The following HMBOX1 variants were observed in gnomAD, a reference collection of about 807,000 sequenced individuals.
HMBOX1 encodes homeobox-containing protein 1.
Under a neutral mutation model 54.5 loss-of-function variants are expected in HMBOX1, and 14 were observed. The observed-to-expected ratio is 0.26, with a 90% CI of 0.17 to 0.40. The LOEUF is 0.40. HMBOX1 is among the 10% of genes least tolerant of loss of function. The pLI, the probability that HMBOX1 is intolerant of heterozygous loss-of-function variation, is 1.00. For missense variants in HMBOX1, 332 were observed against 514.4 expected (o/e 0.65, Z 3.43); for synonymous variants, 160 against 181.0 (o/e 0.88, Z 0.93).
intron 4 of HMBOX1, among the ~76,000 whole-genome samples, chr8:28,981,051 A>T (rs1829252791): frequency 6.6e-6 from 1 of 152,146 alleles, no homozygotes; most frequent in Non-Finnish European, 1.5e-5. Context: ...TTCAACAATA[A>T]CTTATGATTT....
chr8:28,930,089 T>C (rs938491838), intron 1 of HMBOX1, among the ~76,000 whole-genome samples: 3 of 152,058 alleles, frequency 2.0e-5, no homozygotes, highest in African/African-American at 7.2e-5. Context: ...CATAGAAGAC[T>C]GTCTTTGGAA....
At chr8:29,026,174 T>G (rs925541307) in intron 6 of HMBOX1, among the ~76,000 whole-genome samples, 3 of 152,176 alleles carry the variant, frequency 2.0e-5, no homozygotes, top group Non-Finnish European at 4.4e-5. Flanking sequence ...ATATGTGCAT[T>G]TTCTCCTTCT....
intron 1 of HMBOX1, among the ~76,000 whole-genome samples, chr8:28,954,388 C>T (rs1824031120): frequency 6.6e-6 from 1 of 151,936 alleles, no homozygotes; most frequent in Admixed American, 6.6e-5. Context: ...TGTAGTATCC[C>T]CCATCATCTC....
chr8:28,976,716 T>A (rs1828456810), intron 3 of HMBOX1, among the ~76,000 whole-genome samples: 1 of 150,288 alleles, frequency 6.7e-6, no homozygotes, highest in Admixed American at 6.6e-5. Flanking sequence ...TTTCTTTTTT[T>A]TTTTTTTTGA....
intron 4 of HMBOX1, among the ~76,000 whole-genome samples, chr8:28,980,909 A>T (rs1293573372): frequency 6.6e-6 from 1 of 152,282 alleles, no homozygotes; most frequent in Middle Eastern, 3.4e-3. Flanking sequence ...TGTACTTTGC[A>T]TATTGATAGA....
intron 1 of HMBOX1, among the ~76,000 whole-genome samples, 174 bp from the exon 2 acceptor site, chr8:28,963,637 T>G (rs1454478307): frequency 3.9e-5 from 6 of 152,200 alleles, no homozygotes; most frequent in African/African-American, 9.6e-5. Context: ...GTGTCTGAAT[T>G]GAAAGGGATC....
intron 1 of HMBOX1, among the ~76,000 whole-genome samples, chr8:28,920,294 G>A (rs551144715): frequency 1.3e-5 from 2 of 152,186 alleles, no homozygotes; most frequent in South Asian, 2.1e-4. Flanking sequence ...CTATAAACAA[G>A]GTACTATGGT....
intron 1 of HMBOX1, among the ~76,000 whole-genome samples, chr8:28,947,622 T>G (rs1822705270): frequency 6.6e-6 from 1 of 152,202 alleles, no homozygotes; most frequent in African/African-American, 2.4e-5. Context: ...TTATCAGAAA[T>G]TCTACCGTTA....
At chr8:29,006,385 A>T (rs1833457420) in intron 4 of HMBOX1, among the ~76,000 whole-genome samples, 1 of 152,174 alleles carries the variant, frequency 6.6e-6, no homozygotes, top group Non-Finnish European at 1.5e-5. Flanking sequence ...TTTTGAACAT[A>T]CTTCTATTGA....
chr8:29,002,877 T>C (rs1354607142), intron 4 of HMBOX1, among the ~76,000 whole-genome samples: 1 of 152,152 alleles, frequency 6.6e-6, no homozygotes, highest in Non-Finnish European at 1.5e-5. Flanking sequence ...GGTGAGAATT[T>C]GGGTGTGTGG....
intron 6 of HMBOX1, among the ~76,000 whole-genome samples, chr8:29,039,026 C>A (rs1238755105): frequency 6.6e-6 from 1 of 152,170 alleles, no homozygotes; most frequent in Non-Finnish European, 1.5e-5. Context: ...TTTCCCTGTA[C>A]CCGCCCTCTC....
intron 5 of HMBOX1, 101 bp from the exon 6 acceptor site, chr8:29,018,659 C>T (rs1800703892): frequency 8.3e-7 from 1 of 1,207,496 alleles, no homozygotes; most frequent in Non-Finnish European, 1.1e-6. Flanking sequence ...TAAGTTGTCA[C>T]TAAGCCAAAG....
At chr8:28,912,229 T>C (rs1815589312) in intron 1 of HMBOX1, among the ~76,000 whole-genome samples, 1 of 152,214 alleles carries the variant, frequency 6.6e-6, no homozygotes, top group African/African-American at 2.4e-5. Context: ...GGATGTGACC[T>C]TACGCTAAGT....
chr8:29,047,564 C>CTTTT (rs33978272), intron 8 of HMBOX1, 111 bp downstream of exon 8: 204 of 308,100 alleles, frequency 6.6e-4, no homozygotes, highest in Middle Eastern at 2.9e-3. Flanking sequence ...CCTAACTTCT[C>CTTTT]TTTTTTTTTT....
intron 2 of HMBOX1, among the ~76,000 whole-genome samples, chr8:28,966,488 C>T (rs1331664080): frequency 6.6e-6 from 1 of 152,136 alleles, no homozygotes; most frequent in Non-Finnish European, 1.5e-5. Context: ...TAATTCAATT[C>T]TTACATGTTA....
chr8:28,943,446 A>G (rs1410723973), intron 1 of HMBOX1, among the ~76,000 whole-genome samples: 1 of 152,216 alleles, frequency 6.6e-6, no homozygotes, highest in Non-Finnish European at 1.5e-5. Context: ...TTGTTTGTAC[A>G]GATTTCTCGT....
intron 4 of HMBOX1, among the ~76,000 whole-genome samples, chr8:28,984,985 G>C (rs774968128): frequency 2.8e-4 from 43 of 152,166 alleles, no homozygotes; most frequent in Non-Finnish European, 5.7e-4. Flanking sequence ...AAATGTAGTA[G>C]TATAATGAAG....
At chr8:28,901,133 CCTTAT>C (rs1245130180) in intron 1 of HMBOX1, among the ~76,000 whole-genome samples, 2 of 152,038 alleles carry the variant, frequency 1.3e-5, no homozygotes, top group African/African-American at 4.8e-5. Context: ...GGTTGTTACA[CCTTAT>C]CTTATTATTA....
chr8:28,892,728 G>C (rs1811268026), intron 1 of HMBOX1, among the ~76,000 whole-genome samples: 1 of 151,912 alleles, frequency 6.6e-6, no homozygotes, highest in Admixed American at 6.6e-5. Context: ...TATTTCAATT[G>C]ACCTGAATAG....
Sources: allele counts gnomAD v4.1 joint callset (sites outside exome capture counted in the v4.1 genomes callset), GRCh38; gene constraint gnomAD v4.1.1; transcripts MANE v1.5; gene names NCBI Gene and HGNC (gene_info 2026-07-23, HGNC 2026-07-21).